DOK6: variants seen among roughly 807,000 people sequenced by gnomAD.
DOK6 encodes downstream of tyrosine kinase 6.
In DOK6, 22 loss-of-function variants were observed where a neutral mutation model predicts 44.0. That is an observed-to-expected ratio of 0.50 (90% CI 0.36 to 0.71). The LOEUF (loss-of-function observed/expected upper bound fraction) is 0.71, where lower values mean the gene tolerates loss of function less well. Ranked by LOEUF, DOK6 falls within the 30% of genes least tolerant of loss-of-function variation. The pLI is 0.00. For synonymous variants in DOK6, 166 were observed against 145.5 expected, an observed-to-expected ratio of 1.14 and a Z score of -1.01; for missense variants, 340 against 416.4, an observed-to-expected ratio of 0.82 and a Z score of 1.60.
intron 1 of DOK6, among the ~76,000 whole-genome samples, chr18:69,421,407 T>C (rs1335230196): frequency 1.3e-5 from 2 of 152,092 alleles, no homozygotes; most frequent in Non-Finnish European, 2.9e-5. Context: ...AATAGAGACA[T>C]TTGGTTGAGG....
chr18:69,516,718 C>T (rs1178778586), intron 1 of DOK6, among the ~76,000 whole-genome samples: 1 of 151,738 alleles, frequency 6.6e-6, no homozygotes, highest in East Asian at 1.9e-4. Context: ...CTCTGTCTCT[C>T]AGGCTGGAGT....
intron 6 of DOK6, among the ~76,000 whole-genome samples, chr18:69,754,462 T>C (rs1183920659): frequency 9.2e-6 from 1 of 108,348 alleles, no homozygotes. Context: ...ATAACAAAAT[T>C]AAGAATTGCT....
chr18:69,559,416 T>C (rs529960180), intron 1 of DOK6, among the ~76,000 whole-genome samples: 2 of 152,292 alleles, frequency 1.3e-5, no homozygotes, highest in South Asian at 4.1e-4. Context: ...ACTAGGGATT[T>C]GAGTCTCAAT....
intron 3 of DOK6, among the ~76,000 whole-genome samples, chr18:69,619,793 C>G (rs8097665): frequency 0.49 from 74,365 of 152,052 alleles, 19,724 homozygotes; most frequent in South Asian, 0.63. Flanking sequence ...GCACCATAAA[C>G]TTATCGTGGT....
chr18:69,839,296 C>T (rs560215155), intron 7 of DOK6, among the ~76,000 whole-genome samples: 205 of 149,960 alleles, frequency 1.4e-3, no homozygotes, highest in African/African-American at 4.6e-3. Context: ...AGCACTTCCC[C>T]TGGTCCTGCC....
chr18:69,758,191 G>T (rs1005893398), intron 7 of DOK6, among the ~76,000 whole-genome samples: 3 of 152,172 alleles, frequency 2.0e-5, no homozygotes, highest in African/African-American at 4.8e-5. Context: ...TCATGCTGTT[G>T]TTTTATGAAG....
chr18:69,551,470 A>G (rs1982564361), intron 1 of DOK6, among the ~76,000 whole-genome samples: 1 of 152,220 alleles, frequency 6.6e-6, no homozygotes, highest in South Asian at 2.1e-4. Flanking sequence ...ATGTAGTCAT[A>G]AATCATTGAC....
At position 69,841,753 on chromosome 18, in the gene DOK6, CG is replaced by C. The variant is rs778256799; in HGVS notation, c.*371del. ...CTCTCACTGACCTCACAGCGCAGTC[CG>C]CCCATCTGAGCACAGGGTCTGTCCT... On this transcript the variant is annotated 3_prime_UTR_variant, in exon 8 of 8. Coordinates refer to ENST00000382713, the MANE Select transcript of DOK6 (RefSeq NM_152721.6). The C allele has an allele frequency of 1.1e-4, 22 of 206,418 alleles. No homozygotes were observed. Among genetic ancestry groups the C allele is most frequent in the Middle Eastern group, 2.0e-3 (1 of 492 alleles). The allele number at this position is 206,418 out of a possible 1,614,324, so 12.8% of individuals were successfully genotyped here.
At chr18:69,498,003 A>G (rs1980941478) in intron 1 of DOK6, among the ~76,000 whole-genome samples, 1 of 151,660 alleles carries the variant, frequency 6.6e-6, no homozygotes, top group African/African-American at 2.4e-5. Context: ...AAAAAGAAAA[A>G]AAAAGTGAAG....
At chr18:69,614,389 T>G (rs1039597528) in intron 3 of DOK6, among the ~76,000 whole-genome samples, 4 of 152,178 alleles carry the variant, frequency 2.6e-5, no homozygotes, top group South Asian at 4.1e-4. Context: ...TTAGCATTTT[T>G]CAGTTTTACT....
At chr18:69,606,850 G>A (rs375220454) in intron 3 of DOK6, among the ~76,000 whole-genome samples, 12 of 141,774 alleles carry the variant, frequency 8.5e-5, no homozygotes, top group East Asian at 2.1e-4. Context: ...TGCAACCTCC[G>A]CCTCCCAGGT....
chr18:69,413,486 G>A (rs1978314702), intron 1 of DOK6, among the ~76,000 whole-genome samples: 1 of 152,010 alleles, frequency 6.6e-6, no homozygotes, highest in Non-Finnish European at 1.5e-5. Flanking sequence ...ACATATTTTA[G>A]GCAAAGGTGG....
intron 1 of DOK6, among the ~76,000 whole-genome samples, chr18:69,444,187 A>G (rs1568259722): frequency 6.6e-6 from 1 of 152,200 alleles, no homozygotes; most frequent in African/African-American, 2.4e-5. Flanking sequence ...GATCAAGTAC[A>G]GTAGGCAGTT....
intron 1 of DOK6, among the ~76,000 whole-genome samples, chr18:69,514,248 G>A (rs564203981): frequency 1.6e-5 from 2 of 124,046 alleles, no homozygotes; most frequent in African/African-American, 5.2e-5. Flanking sequence ...AAATGTAAAT[G>A]AGTAAAAAAA....
intron 6 of DOK6, 95 bp from the exon 7 acceptor site, chr18:69,757,657 TTCTA>T (rs1303847156): frequency 3.7e-5 from 35 of 952,130 alleles, no homozygotes; most frequent in Admixed American, 2.5e-4. Context: ...CTATAGCAGA[TTCTA>T]TCTGTCACTC....
chr18:69,668,376 C>G (rs1042024209), intron 3 of DOK6, among the ~76,000 whole-genome samples: 11 of 152,002 alleles, frequency 7.2e-5, no homozygotes, highest in African/African-American at 2.4e-4. Context: ...TTAAAAAAAC[C>G]TAGGAATGTC....
intron 1 of DOK6, among the ~76,000 whole-genome samples, chr18:69,545,769 T>C (rs926003668): frequency 6.6e-6 from 1 of 151,466 alleles, no homozygotes; most frequent in Non-Finnish European, 1.5e-5. Context: ...TATTTCAGTA[T>C]ACTGTAAATA....
intron 7 of DOK6, among the ~76,000 whole-genome samples, chr18:69,776,700 T>G (rs1980077768): frequency 6.6e-6 from 1 of 152,074 alleles, no homozygotes; most frequent in African/African-American, 2.4e-5. Flanking sequence ...GTAAGGCTAC[T>G]TTAACAATAA....
chr18:69,428,605 T>A (rs1338825524), intron 1 of DOK6, among the ~76,000 whole-genome samples: 1 of 152,072 alleles, frequency 6.6e-6, no homozygotes, highest in East Asian at 1.9e-4. Flanking sequence ...GTTATGTAGG[T>A]CAAAGAGAAA....
Sources: gnomAD v4.1 joint callset for allele counts (sites outside exome capture counted in the v4.1 genomes callset) on GRCh38, gnomAD v4.1.1 for gene constraint, MANE v1.5 for transcripts, NCBI Gene and HGNC (gene_info 2026-07-23, HGNC 2026-07-21) for gene names.